Variants in LRRC7 observed in about 807,000 individuals in gnomAD.
LRRC7 encodes leucine-rich repeat-containing protein 7.
LRRC7 carries 23 observed loss-of-function variants against 175.7 expected under a neutral mutation model. That is an observed-to-expected ratio of 0.13 (90% CI 0.09 to 0.19). The LOEUF is 0.19. LRRC7 is among the 10% of genes least tolerant of loss of function. LRRC7 has a pLI of 1.00. For synonymous variants in LRRC7, 685 were observed against 680.9 expected (o/e 1.01, Z -0.09); for missense variants, 1,354 against 1,904.7 (o/e 0.71, Z 5.38).
intron 17 of LRRC7, among the ~76,000 whole-genome samples, chr1:70,025,837 G>C (rs568060113): frequency 6.9e-6 from 1 of 144,534 alleles, no homozygotes; most frequent in African/African-American, 2.5e-5. Context: ...TTTAAGGGGG[G>C]GGGGGTCCTC....
intron 1 of LRRC7, among the ~76,000 whole-genome samples, chr1:69,615,411 C>T (rs1283294057): frequency 1.3e-5 from 2 of 151,906 alleles, no homozygotes; most frequent in African/African-American, 4.8e-5. Flanking sequence ...GATAAGGTGT[C>T]TTCTCCCTTC....
chr1:69,911,044 G>A (rs188808877), intron 7 of LRRC7, among the ~76,000 whole-genome samples: 397 of 152,306 alleles, frequency 2.6e-3, no homozygotes, highest in Non-Finnish European at 4.7e-3. Context: ...TTTTAAGCCC[G>A]TTGGAAAAGC....
chr1:69,569,682 T>C (rs1645653570), intron 1 of LRRC7, among the ~76,000 whole-genome samples: 1 of 151,980 alleles, frequency 6.6e-6, no homozygotes, highest in African/African-American at 2.4e-5. Flanking sequence ...ACACTACTTC[T>C]CGGCCATCAG....
intron 1 of LRRC7, among the ~76,000 whole-genome samples, chr1:69,593,880 C>A (rs1257380727): frequency 6.6e-6 from 1 of 152,170 alleles, no homozygotes; most frequent in Non-Finnish European, 1.5e-5. Context: ...CTTCTTACAA[C>A]CATGAATACA....
chr1:69,722,510 T>C (rs1383002480), intron 2 of LRRC7, among the ~76,000 whole-genome samples: 2 of 152,058 alleles, frequency 1.3e-5, no homozygotes, highest in Non-Finnish European at 2.9e-5. Context: ...ATCCATAATG[T>C]AGTGAATAAG....
Position 69,815,191 on chromosome 1 carries a change from C to G in LRRC7, c.422-10557C>G, listed in dbSNP as rs1678443021. ...TTCCCTTTGCCTCTCTTATGTTGGA[C>G]CATCTGGTTCCTGGTTACATTTCTT... On this transcript the variant is annotated intron_variant, in intron 4 of 26. Transcript: ENST00000651989. Among the ~76,000 whole-genome samples the G allele has an allele frequency of 2.0e-5, 3 of 152,124 alleles. 1 individual carries two copies. In the South Asian group the frequency reaches 6.2e-4, roughly 31 times the overall value.
intron 1 of LRRC7, among the ~76,000 whole-genome samples, chr1:69,600,333 A>G (rs1647003592): frequency 6.6e-6 from 1 of 152,048 alleles, no homozygotes; most frequent in African/African-American, 2.4e-5. Flanking sequence ...GGGATACCAC[A>G]TTGCCCTTAG....
At chr1:69,739,898 A>T (rs1668518589) in intron 2 of LRRC7, among the ~76,000 whole-genome samples, 1 of 152,092 alleles carries the variant, frequency 6.6e-6, no homozygotes, top group South Asian at 2.1e-4. Flanking sequence ...AGCAAACTGA[A>T]TGCACTTAAG....
At chr1:70,040,587 C>T (rs1421970104) in intron 21 of LRRC7, among the ~76,000 whole-genome samples, 2 of 151,852 alleles carry the variant, frequency 1.3e-5, no homozygotes, top group East Asian at 3.9e-4. Flanking sequence ...TTTGGGAGGC[C>T]GAGGCGGGCG....
At chr1:69,949,001 G>T (rs1649639106) in intron 8 of LRRC7, among the ~76,000 whole-genome samples, 1 of 152,084 alleles carries the variant, frequency 6.6e-6, no homozygotes, top group Admixed American at 6.6e-5. Context: ...TAACTGTCTA[G>T]AAATCTTTCA....
intron 1 of LRRC7, among the ~76,000 whole-genome samples, chr1:69,595,257 T>G (rs1371853266): frequency 6.6e-6 from 1 of 151,876 alleles, no homozygotes; most frequent in Non-Finnish European, 1.5e-5. Context: ...CTGTCTCTAG[T>G]AAAAATACAA....
In LRRC7 at chr1:70,122,044, G is replaced by A. The variant is rs1666237193; in HGVS notation, c.*157G>A. ...TTAGCACTGACCATCCTTAAAAAAT[G>A]TTAACTCTATAAATATGATGTTCAT... On this transcript the variant is annotated 3_prime_UTR_variant, in exon 27 of 27. Coordinates refer to ENST00000651989, the MANE Select transcript of LRRC7 (RefSeq NM_001370785.2). The A allele has an allele frequency of 5.7e-6, 3 of 527,956 alleles. No individual in the cohort carries two copies. The highest frequency in any genetic ancestry group is 6.4e-5 in the East Asian group (2 of 31,278). 32.7% of individuals were successfully genotyped at this position (527,956 alleles called of 1,614,324 possible).
At chr1:69,959,299 A>G (rs967850823) in intron 8 of LRRC7, among the ~76,000 whole-genome samples, 5 of 152,126 alleles carry the variant, frequency 3.3e-5, no homozygotes, top group Non-Finnish European at 7.4e-5. Context: ...GAAATTGTTC[A>G]TAACGATGAA....
chr1:69,608,854 CTCTCTCTCTCTCTA>C (rs1175087607), intron 1 of LRRC7, among the ~76,000 whole-genome samples: 782 of 34,514 alleles, frequency 0.023, no homozygotes, highest in Non-Finnish European at 0.027. Flanking sequence ...CTCTCTCTCT[CTCTCTCTCTCTCTA>C]TATATATATA....
chr1:69,846,835 C>T (rs916480499), intron 7 of LRRC7, among the ~76,000 whole-genome samples: 2 of 151,956 alleles, frequency 1.3e-5, no homozygotes, highest in African/African-American at 4.8e-5. Context: ...AAAAGATTGA[C>T]ATGAGTTCTA....
intron 10 of LRRC7, among the ~76,000 whole-genome samples, chr1:69,990,368 A>G (rs890513725): frequency 2.0e-5 from 3 of 152,112 alleles, no homozygotes; most frequent in African/African-American, 7.2e-5. Context: ...TGATTACTCT[A>G]GAGAAAAGAG....
intron 1 of LRRC7, among the ~76,000 whole-genome samples, chr1:69,670,582 C>G (rs1658927178): frequency 6.6e-6 from 1 of 152,210 alleles, no homozygotes; most frequent in African/African-American, 2.4e-5. Flanking sequence ...AGGCTTGTGT[C>G]TCTCCCTTCA....
At position 69,627,565 on chromosome 1, in the gene LRRC7, G is replaced by T. The variant is rs563644055; in HGVS notation, c.3-50816G>T. 6.6e-5 allele frequency among the ~76,000 whole-genome samples: 10 copies of T among 152,196 alleles called. No individual in the cohort carries two copies. In the Middle Eastern group the frequency reaches 0.014, roughly 207 times the overall value. On this transcript the variant is annotated intron_variant, in intron 1 of 26. Coordinates refer to ENST00000651989, the MANE Select transcript of LRRC7 (RefSeq NM_001370785.2). ...TGGTAGTTTCTTTTGCTGTGCAGAA[G>T]CTCTTTAGTTTAATTAGATCCCATT... is the stretch of plus-strand genomic sequence containing the variant.
chr1:69,573,919 T>C (rs1645838640), intron 1 of LRRC7, among the ~76,000 whole-genome samples: 1 of 152,188 alleles, frequency 6.6e-6, no homozygotes, highest in South Asian at 2.1e-4. Flanking sequence ...GTTGTTTACA[T>C]TGTTTAAATA....
Sources: allele counts gnomAD v4.1 joint callset (sites outside exome capture counted in the v4.1 genomes callset), GRCh38; gene constraint gnomAD v4.1.1; transcripts MANE v1.5; gene names NCBI Gene and HGNC (gene_info 2026-07-23, HGNC 2026-07-21).